AHCYL2: variants seen among roughly 807,000 people sequenced by gnomAD.
The protein encoded by AHCYL2 is S-adenosylhomocysteine hydrolase-like protein 2.
Under a neutral mutation model 81.4 loss-of-function variants are expected in AHCYL2, and 28 were observed. The observed-to-expected ratio is 0.34, with a 90% CI of 0.25 to 0.47. AHCYL2 has a LOEUF of 0.47. Ranked by LOEUF, AHCYL2 falls within the 20% of genes least tolerant of loss-of-function variation. The pLI is 1.00. For missense variants in AHCYL2, 551 were observed against 785.1 expected (o/e 0.70, Z 3.56); for synonymous variants, 272 against 290.2 (o/e 0.94, Z 0.64).
At chr7:129,397,533 C>A (rs1795804009) in intron 5 of AHCYL2, among the ~76,000 whole-genome samples, 1 of 152,206 alleles carries the variant, frequency 6.6e-6, no homozygotes, top group African/African-American at 2.4e-5. Flanking sequence ...TGACAAATAT[C>A]TACCTATGTC....
chr7:129,325,894 G>A (rs112369465), intron 1 of AHCYL2, among the ~76,000 whole-genome samples: 36,881 of 151,714 alleles, frequency 0.24, 4,546 homozygotes, highest in South Asian at 0.37. Flanking sequence ...TAGTAGAGGC[G>A]GGATTTCACC....
intron 11 of AHCYL2, among the ~76,000 whole-genome samples, chr7:129,410,831 A>C (rs1796534104): frequency 6.6e-6 from 1 of 152,218 alleles, no homozygotes; most frequent in Non-Finnish European, 1.5e-5. Flanking sequence ...GGGGGAAATC[A>C]GACAGAATAA....
chr7:129,344,909 C>G (rs560477830), intron 1 of AHCYL2, among the ~76,000 whole-genome samples: 1 of 152,238 alleles, frequency 6.6e-6, no homozygotes, highest in East Asian at 1.9e-4. Flanking sequence ...AATCCCAGCA[C>G]TTTGGGAGGC....
At chr7:129,300,198 A>G (rs1383189919) in intron 1 of AHCYL2, among the ~76,000 whole-genome samples, 1 of 152,126 alleles carries the variant, frequency 6.6e-6, no homozygotes, top group Admixed American at 6.6e-5. Flanking sequence ...ATTATTGACT[A>G]TAGTTACCCT....
At chr7:129,304,089 A>C (rs1797343493) in intron 1 of AHCYL2, among the ~76,000 whole-genome samples, 1 of 133,806 alleles carries the variant, frequency 7.5e-6, no homozygotes, top group Non-Finnish European at 1.5e-5. Flanking sequence ...ATAAATAAAC[A>C]AACAAACTTC....
chr7:129,319,507 A>G (rs1387000627), intron 1 of AHCYL2, among the ~76,000 whole-genome samples: 2 of 152,114 alleles, frequency 1.3e-5, no homozygotes, highest in Non-Finnish European at 2.9e-5. Context: ...AGGGGAATGC[A>G]CATAAAAACT....
chr7:129,412,930 TG>T (rs948232950), intron 11 of AHCYL2, among the ~76,000 whole-genome samples: 3 of 151,726 alleles, frequency 2.0e-5, no homozygotes, highest in Admixed American at 6.6e-5. Context: ...CCCCGACCTA[TG>T]GGGCTCAATC....
At chr7:129,248,996 CTT>C (rs34696153) in intron 1 of AHCYL2, among the ~76,000 whole-genome samples, 6 of 126,362 alleles carry the variant, frequency 4.7e-5, no homozygotes, top group East Asian at 2.2e-4. Flanking sequence ...TAACAATAAA[CTT>C]TTTTTTTTTT....
At chr7:129,281,919 G>A (rs914086938) in intron 1 of AHCYL2, among the ~76,000 whole-genome samples, 2 of 152,132 alleles carry the variant, frequency 1.3e-5, no homozygotes, top group African/African-American at 4.8e-5. Context: ...CACAAATTTT[G>A]ATGTACTTTC....
Position 129,349,488 on chromosome 7 carries a change from A to AAAC in AHCYL2, c.364-30150_364-30149insAAC, listed in dbSNP as rs1554484828. Among the ~76,000 whole-genome samples the AAAC allele has an allele frequency of 1.5e-4, 22 of 145,296 alleles. No individual in the cohort carries two copies. The East Asian group carries it at 2.4e-3, about 16-fold the overall frequency. ...TCTACCAAAAAAAAAAAAAAAAAAA[A>AAAC]CCCACAAAAATTAGCCAGGCGTGGT... On this transcript the variant is annotated intron_variant, in intron 1 of 16. Transcript: ENST00000325006.
intron 1 of AHCYL2, among the ~76,000 whole-genome samples, chr7:129,374,714 G>C (rs531889418): frequency 2.0e-5 from 3 of 151,624 alleles, no homozygotes; most frequent in East Asian, 3.9e-4. Flanking sequence ...GTCTGAGGTA[G>C]GACAATCACT....
At chr7:129,270,330 A>G (rs1197096395) in intron 1 of AHCYL2, among the ~76,000 whole-genome samples, 1 of 152,196 alleles carries the variant, frequency 6.6e-6, no homozygotes, top group Non-Finnish European at 1.5e-5. Flanking sequence ...AAAATAGTAT[A>G]CATTCCCTTT....
chr7:129,318,369 A>G (rs568382442), intron 1 of AHCYL2, among the ~76,000 whole-genome samples: 1 of 152,242 alleles, frequency 6.6e-6, no homozygotes, highest in Non-Finnish European at 1.5e-5. Context: ...AGCTGGGACT[A>G]CAGGCATGTG....
At chr7:129,309,767 A>G (rs1797583702) in intron 1 of AHCYL2, among the ~76,000 whole-genome samples, 1 of 151,860 alleles carries the variant, frequency 6.6e-6, no homozygotes, top group Non-Finnish European at 1.5e-5. Context: ...CTAAATTCCA[A>G]TCTCATTTGA....
intron 1 of AHCYL2, among the ~76,000 whole-genome samples, chr7:129,278,375 C>T (rs1796299685): frequency 6.6e-6 from 1 of 152,020 alleles, no homozygotes; most frequent in South Asian, 2.1e-4. Flanking sequence ...CACATCCAGT[C>T]TCTTTTTACC....
chr7:129,311,673 C>A (rs1026868165), intron 1 of AHCYL2, among the ~76,000 whole-genome samples: 6 of 149,046 alleles, frequency 4.0e-5, no homozygotes, highest in African/African-American at 1.5e-4. Flanking sequence ...GCTCTACTTT[C>A]AATATATTCA....
intron 1 of AHCYL2, chr7:129,375,746 C>G: frequency 1.3e-6 from 2 of 1,486,000 alleles, no homozygotes; most frequent in Non-Finnish European, 1.8e-6. Flanking sequence ...AGTAGTCCCC[C>G]ACTCCCCAGC....
chr7:129,397,287 C>T lies in AHCYL2; in HGVS notation c.786C>T (p.Ser262=). ...QCRWAACNIY[S]TLNEVAAALA... ...GATGGGCTGCCTGCAACATCTATTC[C>T]ACTCTCAATGAAGTGGCTGCTGCTC... Residue 262 remains serine, a synonymous_variant, in exon 5 of 17, where the codon TCC becomes TCT. Transcript: ENST00000325006. 1 of 1,614,170 alleles carries T rather than the reference C, an allele frequency of 6.2e-7. No homozygotes were observed. Among genetic ancestry groups the T allele is most frequent in the Non-Finnish European group, 8.5e-7 (1 of 1,180,030 alleles).
chr7:129,293,926 A>G (rs1796962409), intron 1 of AHCYL2, among the ~76,000 whole-genome samples: 1 of 152,348 alleles, frequency 6.6e-6, no homozygotes, highest in East Asian at 1.9e-4. Flanking sequence ...ATTCACTTTT[A>G]GGAACTAATT....
Sources: allele counts gnomAD v4.1 joint callset (sites outside exome capture counted in the v4.1 genomes callset), GRCh38; gene constraint gnomAD v4.1.1; transcripts MANE v1.5; gene names NCBI Gene and HGNC (gene_info 2026-07-23, HGNC 2026-07-21).